The following CDK5RAP2 variants were observed in gnomAD, a reference collection of about 807,000 sequenced individuals.
CDK5RAP2 encodes the protein CDK5 regulatory subunit associated protein 2.
Under a neutral mutation model 232.9 loss-of-function variants are expected in CDK5RAP2, and 147 were observed. The ratio of observed to expected loss-of-function variants is 0.63; its 90% CI spans 0.55 to 0.72. The LOEUF (loss-of-function observed/expected upper bound fraction) is 0.72. Among genes scored for constraint, CDK5RAP2 ranks in the 30% least tolerant of loss-of-function variants. The pLI is 0.00. For missense variants in CDK5RAP2, 2,195 were observed against 2,231.5 expected, an observed-to-expected ratio of 0.98 and a Z score of 0.33; for synonymous variants, 833 against 833.7, an observed-to-expected ratio of 1.00 and a Z score of 0.01.
intron 12 of CDK5RAP2, among the ~76,000 whole-genome samples, chr9:120,496,756 C>G (rs1466908780): frequency 7.5e-6 from 1 of 133,688 alleles, no homozygotes; most frequent in Non-Finnish European, 1.6e-5. Context: ...GCCCCCCGCC[C>G]GGCCAGCCGC....
At chr9:120,428,908 C>T (rs142008521) in intron 25 of CDK5RAP2, among the ~76,000 whole-genome samples, 1,693 of 152,272 alleles carry the variant, frequency 0.011, 26 homozygotes, top group African/African-American at 0.038. Flanking sequence ...GCTTATCCAC[C>T]ACGATCAAGT....
At chr9:120,417,422 C>T (rs550194153) in intron 27 of CDK5RAP2, among the ~76,000 whole-genome samples, 6 of 152,336 alleles carry the variant, frequency 3.9e-5, no homozygotes, top group African/African-American at 1.4e-4. Flanking sequence ...GCCTTGGTGC[C>T]CTGCAAATCT....
intron 36 of CDK5RAP2, among the ~76,000 whole-genome samples, chr9:120,391,984 G>A (rs980439340): frequency 4.6e-5 from 7 of 152,206 alleles, no homozygotes; most frequent in African/African-American, 1.7e-4. Flanking sequence ...GGCGGAGCCT[G>A]CTCTGTGCCA....
intron 15 of CDK5RAP2, 74 bp downstream of exon 15, chr9:120,477,276 G>T: frequency 9.4e-7 from 1 of 1,060,076 alleles, no homozygotes; most frequent in East Asian, 2.4e-5. Context: ...TGATTGAAAG[G>T]GTGTGTGCGT....
chr9:120,448,277 G>A, intron 21 of CDK5RAP2, 151 bp from the exon 22 acceptor site: 1 of 689,978 alleles, frequency 1.4e-6, no homozygotes, highest in Non-Finnish European at 2.6e-6. Context: ...TTATCCACCA[G>A]CCAAGGAGCT....
At chr9:120,503,245 T>G (rs1477453529) in intron 12 of CDK5RAP2, among the ~76,000 whole-genome samples, 2 of 152,220 alleles carry the variant, frequency 1.3e-5, no homozygotes, top group African/African-American at 4.8e-5. Flanking sequence ...CTCTCTAGCC[T>G]GAGACTGAGG....
intron 12 of CDK5RAP2, among the ~76,000 whole-genome samples, chr9:120,509,006 C>A (rs1468733496): frequency 1.3e-5 from 2 of 152,058 alleles, no homozygotes; most frequent in Non-Finnish European, 2.9e-5. Context: ...CTGTTTGTGC[C>A]CCATGGAGAT....
rs1310668635 is a variant in CDK5RAP2, at chr9:120,400,763, C to T, written c.5430G>A (p.Gln1810=). Reference sequence around the variant, plus strand: ...CTACCTGCTCACAGTGAAGGGGGCACTGGCCATCCTCGGGGAGTGAGACTC... The same window carrying T: ...CTACCTGCTCACAGTGAAGGGGGCATTGGCCATCCTCGGGGAGTGAGACTC... The part of the protein sequence containing the change: ...LWRVSLPEDG[Q]CPLHCEQIGE... The change falls in exon 35 of 38, where the codon CAG becomes CAA. Residue 1810 remains glutamine, a synonymous_variant. Transcript: ENST00000349780. The T allele has an allele frequency of 6.2e-7, 1 of 1,613,808 alleles. No individual in the cohort carries two copies. The highest frequency in any genetic ancestry group is 1.3e-5 in the African/African-American group (1 of 74,926).
At position 120,419,793 on chromosome 9, in the gene CDK5RAP2, G is replaced by T; in HGVS notation, c.4172C>A (p.Ser1391Tyr). The T allele has an allele frequency of 6.2e-7, 1 of 1,613,154 alleles. No individual in the cohort carries two copies. Among genetic ancestry groups the T allele is most frequent in the Middle Eastern group, 1.7e-4 (1 of 6,060 alleles). The change falls in exon 27 of 38, where the codon TCT becomes TAT. Residue 1391 changes from serine (S) to tyrosine (Y), a missense_variant. Coordinates refer to ENST00000349780, the MANE Select transcript of CDK5RAP2 (RefSeq NM_018249.6). ...EKTSVMVNSF[S>Y]QDLLMEHIQE... ...CTTAATGAGGCTTAGCTTACCTTGA[G>T]AAAAACTGTTCACCATAACTGAAGT...
At chr9:120,440,587 C>G (rs2035843449) in intron 23 of CDK5RAP2, among the ~76,000 whole-genome samples, 1 of 152,206 alleles carries the variant, frequency 6.6e-6, no homozygotes, top group Non-Finnish European at 1.5e-5. Context: ...GCATATTACT[C>G]AAGACAAATA....
At chr9:120,531,163 G>C (rs1391788953) in intron 7 of CDK5RAP2, among the ~76,000 whole-genome samples, 1 of 151,936 alleles carries the variant, frequency 6.6e-6, no homozygotes, top group Non-Finnish European at 1.5e-5. Context: ...TCTCCACTCA[G>C]TAGCCTCACT....
Position 120,551,344 on chromosome 9 carries a change from A to G in CDK5RAP2, c.196-442T>C, listed in dbSNP as rs115955869. On this transcript the variant is annotated intron_variant, in intron 3 of 37. Transcript: ENST00000349780. ...TAGATGAAAGATCACTACAGAACATAATATTCAGACAGTCATAACATATCA... is the reference window on the plus strand; with the variant it reads ...TAGATGAAAGATCACTACAGAACATGATATTCAGACAGTCATAACATATCA... Among the ~76,000 whole-genome samples the G allele has an allele frequency of 7.1e-3, 1,075 of 152,322 alleles. 18 individuals carry two copies. Among genetic ancestry groups the G allele is most frequent in the African/African-American group, 0.025 (1,025 of 41,564 alleles).
At chr9:120,460,759 T>TA (rs1174423116) in intron 18 of CDK5RAP2, 92 bp from the exon 19 acceptor site, 2 of 1,548,904 alleles carry the variant, frequency 1.3e-6, no homozygotes, top group Non-Finnish European at 1.7e-6. Flanking sequence ...TTTTTTTTTT[T>TA]AATGCAAAAC....
In CDK5RAP2 at chr9:120,411,408, A is replaced by C; in HGVS notation, c.4364T>G (p.Leu1455Trp). The C allele has an allele frequency of 6.2e-7, 1 of 1,613,514 alleles. No homozygotes were observed. The highest frequency in any genetic ancestry group is 8.5e-7 in the Non-Finnish European group (1 of 1,179,448). The part of the protein sequence containing the change: ...HSSLTSEIHF[L>W]RKQNQALNAM... ...ATTGAGGGCCTGGTTCTGCTTCCTC[A>C]AGAAATGAATTTCTGATGTTAGAGA... The change falls in exon 29 of 38, where the codon TTG becomes TGG. Residue 1455 changes from leucine to tryptophan, a missense_variant. By Grantham distance (61) the Leu-to-Trp change is moderately conservative. Transcript: ENST00000349780.
intron 21 of CDK5RAP2, among the ~76,000 whole-genome samples, chr9:120,449,152 T>C (rs536530099): frequency 5.4e-4 from 82 of 152,326 alleles, no homozygotes; most frequent in African/African-American, 1.9e-3. Context: ...ACAATGACCT[T>C]GGTTCCTCAA....
intron 25 of CDK5RAP2, among the ~76,000 whole-genome samples, chr9:120,431,214 T>A (rs573343143): frequency 6.6e-6 from 1 of 152,336 alleles, no homozygotes; most frequent in Admixed American, 6.5e-5. Context: ...TATACATATG[T>A]AACTAACCTG....
At chr9:120,474,070 G>A (rs180987490) in intron 15 of CDK5RAP2, among the ~76,000 whole-genome samples, 1 of 152,298 alleles carries the variant, frequency 6.6e-6, no homozygotes, top group East Asian at 1.9e-4. Flanking sequence ...CCACTACTGG[G>A]CAAGCCAGTT....
intron 18 of CDK5RAP2, 145 bp from the exon 19 acceptor site, chr9:120,460,812 T>A: frequency 7.2e-7 from 1 of 1,397,350 alleles, no homozygotes; most frequent in Non-Finnish European, 9.7e-7. Flanking sequence ...GCCAAAGCCA[T>A]GAAATAAAAA....
intron 25 of CDK5RAP2, among the ~76,000 whole-genome samples, chr9:120,426,794 C>A (rs954922075): frequency 2.0e-5 from 3 of 152,150 alleles, no homozygotes. Context: ...TTTCAGAGCC[C>A]TGCAATCTGT....
Sources: allele counts gnomAD v4.1 joint callset (sites outside exome capture counted in the v4.1 genomes callset), GRCh38; gene constraint gnomAD v4.1.1; transcripts MANE v1.5; gene names NCBI Gene and HGNC (gene_info 2026-07-23, HGNC 2026-07-21).